HERC3: variants seen among roughly 807,000 people sequenced by gnomAD.
HERC3 encodes probable E3 ubiquitin-protein ligase HERC3.
A neutral mutation model predicts 129.9 loss-of-function variants in HERC3; 58 were observed. The observed-to-expected ratio is 0.45, with a 90% confidence interval of 0.36 to 0.56. HERC3 has a LOEUF of 0.56. HERC3 is among the 20% of genes least tolerant of loss of function. The pLI is 0.00. For missense variants in HERC3, 835 were observed against 1,244.2 expected (o/e 0.67, Z 4.95); for synonymous variants, 430 against 451.0 (o/e 0.95, Z 0.59).
intron 2 of HERC3, among the ~76,000 whole-genome samples, chr4:88,604,114 G>A (rs567987627): frequency 4.6e-5 from 7 of 151,956 alleles, no homozygotes; most frequent in African/African-American, 1.2e-4. Flanking sequence ...TCTGCCTCCC[G>A]GATTCAAGCG....
At chr4:88,664,707 T>G (rs946592748) in intron 12 of HERC3, among the ~76,000 whole-genome samples, 1 of 152,208 alleles carries the variant, frequency 6.6e-6, no homozygotes, top group African/African-American at 2.4e-5. Context: ...GATAATTTTC[T>G]TGATTTCTTT....
chr4:88,551,426 C>T, the HERC3 span, among the ~76,000 whole-genome samples: 1 of 148,110 alleles, frequency 6.8e-6, no homozygotes, highest in African/African-American at 2.5e-5. Flanking sequence ...TGAACTCAAA[C>T]AAATTTACAA....
chr4:88,687,306 C>A lies in HERC3; in HGVS notation c.2657+7C>A. 1 of 1,594,412 alleles carries A rather than the reference C, an allele frequency of 6.3e-7. No homozygotes were observed. Among genetic ancestry groups the A allele is most frequent in the African/African-American group, 1.3e-5 (1 of 74,424 alleles). On this transcript the variant is annotated splice_region_variant and intron_variant, in intron 23 of 25. Transcript: ENST00000402738. ...CTGTGTGCAAGGATAACAGGTTAGT[C>A]CTGACCTTGGACTGTTGCAGATACT...
chr4:88,699,658 C>T (rs992065938), intron 23 of HERC3, among the ~76,000 whole-genome samples: 1 of 151,792 alleles, frequency 6.6e-6, no homozygotes, highest in Non-Finnish European at 1.5e-5. Context: ...GGCCTTTTGA[C>T]CCCTATAGTA....
At chr4:88,632,243 A>C (rs931660283) in intron 3 of HERC3, among the ~76,000 whole-genome samples, 2 of 152,226 alleles carry the variant, frequency 1.3e-5, no homozygotes, top group African/African-American at 4.8e-5. Context: ...ACTAATAGAT[A>C]ACCACTCAGA....
the HERC3 span, among the ~76,000 whole-genome samples, chr4:88,531,766 G>A: frequency 6.6e-6 from 1 of 152,188 alleles, no homozygotes; most frequent in Admixed American, 6.5e-5. Context: ...CCTGCAGCAG[G>A]GAGAGTTGAC....
At chr4:88,704,402 C>T in intron 24 of HERC3, 106 bp from the exon 25 acceptor site, 2 of 1,215,912 alleles carry the variant, frequency 1.6e-6, no homozygotes, top group African/African-American at 1.5e-5. Context: ...TTAGAGGTGT[C>T]CTGTATCTCA....
chr4:88,662,802 T>C (rs1252893683), intron 11 of HERC3, among the ~76,000 whole-genome samples: 1 of 152,154 alleles, frequency 6.6e-6, no homozygotes, highest in Non-Finnish European at 1.5e-5. Flanking sequence ...TTGTATGATC[T>C]TAAAAATCCT....
the HERC3 span, among the ~76,000 whole-genome samples, chr4:88,555,915 G>T: frequency 7.2e-5 from 11 of 152,314 alleles, 1 homozygote; most frequent in East Asian, 2.1e-3. Flanking sequence ...TTACCTAGAT[G>T]AGAGAATAGA....
rs774518970 is a variant in HERC3, at chr4:88,662,495, A to T, written c.1211A>T (p.Asp404Val). 2 of 1,613,668 alleles carry T rather than the reference A, an allele frequency of 1.2e-6. No homozygotes were observed. Among genetic ancestry groups the T allele is most frequent in the East Asian group, 4.5e-5 (2 of 44,858 alleles). ...NQAHYTSLIN[D>V]ETIAVWRQKL... ...GCACATTATACCAGTTTAATAAATG[A>T]TGAAACCATAGCAGTTTGGAGACAA... Residue 404 changes from aspartate to valine, a missense_variant, in exon 11 of 26, where the codon GAT (aspartate) becomes GTT (valine). Coordinates refer to ENST00000402738, the MANE Select transcript of HERC3 (RefSeq NM_014606.3).
intron 23 of HERC3, among the ~76,000 whole-genome samples, chr4:88,693,904 T>G (rs1300398843): frequency 6.6e-6 from 1 of 152,210 alleles, no homozygotes; most frequent in Non-Finnish European, 1.5e-5. Context: ...TTGACCTACC[T>G]TGAAGCAAGG....
chr4:88,697,352 C>T (rs745554495), intron 23 of HERC3: 3 of 1,614,048 alleles, frequency 1.9e-6, no homozygotes, highest in Middle Eastern at 3.3e-4. Flanking sequence ...TCCTCCCCCT[C>T]CAAGGTCCAT....
At chr4:88,603,518 C>G (rs997454797) in intron 2 of HERC3, among the ~76,000 whole-genome samples, 1 of 151,970 alleles carries the variant, frequency 6.6e-6, no homozygotes, top group African/African-American at 2.4e-5. Flanking sequence ...ATCGCTCTCT[C>G]TTAATTTGCT....
At chr4:88,670,076 T>C (rs1731454528) in intron 15 of HERC3, 53 bp downstream of exon 15, 1 of 1,602,358 alleles carries the variant, frequency 6.2e-7, no homozygotes, top group African/African-American at 1.3e-5. Context: ...TAGGGTAAAA[T>C]GTCCTAGTGA....
intron 12 of HERC3, among the ~76,000 whole-genome samples, chr4:88,665,550 G>A (rs1391323164): frequency 1.3e-5 from 2 of 152,168 alleles, no homozygotes; most frequent in Non-Finnish European, 2.9e-5. Context: ...GAATGAGGAT[G>A]GATTTTCTTT....
chr4:88,657,849 T>C (rs1219784522), intron 9 of HERC3, among the ~76,000 whole-genome samples: 1 of 152,010 alleles, frequency 6.6e-6, no homozygotes, highest in Non-Finnish European at 1.5e-5. Context: ...CACATTCAGG[T>C]TGTGCTCTCG....
chr4:88,682,955 C>G (rs1732969713), intron 21 of HERC3, among the ~76,000 whole-genome samples: 1 of 152,180 alleles, frequency 6.6e-6, no homozygotes, highest in African/African-American at 2.4e-5. Flanking sequence ...TAAAAGTGTT[C>G]TTATTTCTCC....
At chr4:88,591,602 A>G (rs1352294877), upstream of HERC3, among the ~76,000 whole-genome samples, 1 of 152,178 alleles carries the variant, frequency 6.6e-6, no homozygotes, top group Non-Finnish European at 1.5e-5. Context: ...TAAGGGGGGC[A>G]GACACATGAA....
At chr4:88,542,313 C>T in the HERC3 span, among the ~76,000 whole-genome samples, 2 of 152,160 alleles carry the variant, frequency 1.3e-5, no homozygotes, top group East Asian at 3.8e-4. Context: ...ACTATAAACA[C>T]CTCTACACAA....
Sources: gnomAD v4.1 joint callset for allele counts (sites outside exome capture counted in the v4.1 genomes callset) on GRCh38, gnomAD v4.1.1 for gene constraint, MANE v1.5 for transcripts, NCBI Gene and HGNC (gene_info 2026-07-23, HGNC 2026-07-21) for gene names.